The following GID4 variants were observed in gnomAD, a reference collection of about 807,000 sequenced individuals.
GID4 encodes the protein GID complex subunit 4 homolog, also known as glucose-induced degradation protein 4 homolog.
GID4 carries 7 observed loss-of-function variants against 32.4 expected under a neutral mutation model. The ratio of observed to expected loss-of-function variants is 0.22; its 90% CI spans 0.12 to 0.41. The LOEUF is 0.41. Among genes scored for constraint, GID4 ranks in the 10% least tolerant of loss-of-function variants. The pLI is 1.00. For missense variants in GID4, 309 were observed against 400.0 expected (o/e 0.77, Z 1.94); for synonymous variants, 166 against 170.0 (o/e 0.98, Z 0.18).
chr17:18,058,139 T>C (rs1433620462), intron 3 of GID4, among the ~76,000 whole-genome samples: 1 of 152,212 alleles, frequency 6.6e-6, no homozygotes, highest in Non-Finnish European at 1.5e-5. Flanking sequence ...AGTGGATGTA[T>C]AGATTTTTTG....
intron 3 of GID4, chr17:18,057,118 T>G: frequency 6.9e-7 from 1 of 1,443,522 alleles, no homozygotes; most frequent in Non-Finnish European, 9.2e-7. Context: ...TTCCATATAT[T>G]CAGTCTACAT....
chr17:18,054,306 A>G, intron 3 of GID4, 72 bp downstream of exon 3: 1 of 947,498 alleles, frequency 1.1e-6, no homozygotes, highest in Non-Finnish European at 1.7e-6. Context: ...GGAGCCAGAG[A>G]CCTTGTCCCT....
intron 2 of GID4, among the ~76,000 whole-genome samples, chr17:18,048,359 C>T (rs1043199473): frequency 2.6e-5 from 4 of 152,108 alleles, no homozygotes; most frequent in Non-Finnish European, 5.9e-5. Flanking sequence ...CCCTGCCCAA[C>T]TAACTTTTAT....
At chr17:18,065,138 A>G (rs377480199) in intron 5 of GID4, 42 bp from the exon 6 acceptor site, 1,127 of 1,485,776 alleles carry the variant, frequency 7.6e-4, no homozygotes, top group Non-Finnish European at 1.0e-3. Flanking sequence ...CTCAGGGTGC[A>G]TTAGATGACT....
chr17:18,060,023 T>C (rs1006798199), intron 4 of GID4, among the ~76,000 whole-genome samples: 7 of 147,976 alleles, frequency 4.7e-5, no homozygotes, highest in African/African-American at 1.8e-4. Flanking sequence ...GAGATGGAAG[T>C]TGCAGTGAGC....
chr17:18,057,897 G>A (rs931006660), intron 3 of GID4, among the ~76,000 whole-genome samples: 22 of 151,770 alleles, frequency 1.4e-4, no homozygotes, highest in African/African-American at 1.9e-4. Flanking sequence ...GCAGTGGCAC[G>A]ATCTCGGCTC....
intron 5 of GID4, 179 bp downstream of exon 5, chr17:18,062,154 T>C: frequency 1.7e-6 from 1 of 575,982 alleles, no homozygotes; most frequent in East Asian, 2.8e-5. Context: ...CTTATCCCTA[T>C]GCACAGAGCA....
At position 18,039,510 on chromosome 17, in the gene GID4, G is replaced by A; in HGVS notation, c.46G>A (p.Gly16Arg). ...QVGRGTQLRT[G>R]RPCSQVPGSR... is the part of the protein sequence containing the mutation. The stretch of plus-strand genomic sequence containing the variant: ...CGGGAGGGGGACCCAGCTCAGGACT[G>A]GGAGGCCCTGCTCGCAGGTCCCTGG... Residue 16 changes from glycine to arginine, a missense_variant, in exon 1 of 6, where the codon GGG becomes AGG. Coordinates refer to ENST00000268719, the MANE Select transcript of GID4 (RefSeq NM_024052.5). The surrounding 1 kb of genome is among the most constrained non-coding windows in gnomAD (Gnocchi z 5.3). 7.6e-7 allele frequency: 1 copy of A among 1,319,516 alleles called. No homozygotes were observed. Among genetic ancestry groups the A allele is most frequent in the Non-Finnish European group, 9.6e-7 (1 of 1,039,156 alleles). 81.7% of individuals were successfully genotyped at this position (1,319,516 alleles called of 1,614,324 possible).
intron 2 of GID4, among the ~76,000 whole-genome samples, chr17:18,052,275 G>C (rs532624375): frequency 1.3e-5 from 2 of 152,228 alleles, no homozygotes; most frequent in South Asian, 4.2e-4. Flanking sequence ...TAAGGAAACA[G>C]ATCCCCTCCA....
At position 18,045,133 on chromosome 17, in the gene GID4, T is replaced by C. The variant is rs201766570; in HGVS notation, c.439-14T>C. 1.6e-4 allele frequency: 258 copies of C among 1,607,410 alleles called. No individual in the cohort carries two copies. Among genetic ancestry groups the C allele is most frequent in the Middle Eastern group, 8.3e-4 (5 of 6,050 alleles). ...TTATCTATTTGTGACAGGCTGTGTA[T>C]CCTTTCTTTTCAGCACGTGGACACG... On this transcript the variant is annotated splice_polypyrimidine_tract_variant and intron_variant, in intron 1 of 5. Coordinates refer to ENST00000268719, the MANE Select transcript of GID4 (RefSeq NM_024052.5).
Position 18,066,255 on chromosome 17 carries a change from C to G in GID4, c.*1012C>G, listed in dbSNP as rs946824711. The G allele has an allele frequency of 2.0e-5, 3 of 152,574 alleles. No individual in the cohort carries two copies. The highest frequency in any genetic ancestry group is 7.2e-5 in the African/African-American group (3 of 41,442). 9.5% of individuals were successfully genotyped at this position (152,574 alleles called of 1,614,324 possible). On this transcript the variant is annotated 3_prime_UTR_variant, in exon 6 of 6. Coordinates refer to ENST00000268719, the MANE Select transcript of GID4 (RefSeq NM_024052.5). The stretch of plus-strand genomic sequence containing the variant: ...GCATTGCCTAAATTATAGTGCTCAA[C>G]ACAAGAACTGTTTTTGGGGCCAGTT...
At chr17:18,065,036 C>T (rs748696609) in intron 5 of GID4, 144 bp from the exon 6 acceptor site, 3 of 658,082 alleles carry the variant, frequency 4.6e-6, no homozygotes, top group Non-Finnish European at 8.3e-6. Flanking sequence ...AAACTAGGTT[C>T]AACTTGAGAA....
At chr17:18,055,824 TTTG>T in intron 3 of GID4, among the ~76,000 whole-genome samples, 1 of 151,356 alleles carries the variant, frequency 6.6e-6, no homozygotes, top group African/African-American at 2.4e-5. Flanking sequence ...GGGTTTTTGT[TTTG>T]TTTTGTTCTG....
At chr17:18,041,797 C>T (rs549826675) in intron 1 of GID4, among the ~76,000 whole-genome samples, 2 of 152,206 alleles carry the variant, frequency 1.3e-5, no homozygotes, top group East Asian at 3.8e-4. Flanking sequence ...TCCCTTCTGT[C>T]ATTAGGGTAT....
chr17:18,049,083 C>G (rs1337687092), intron 2 of GID4, among the ~76,000 whole-genome samples: 3 of 151,778 alleles, frequency 2.0e-5, no homozygotes, highest in Non-Finnish European at 4.4e-5. Context: ...TGCCTGTAAT[C>G]CCAGCACTTT....
At chr17:18,052,358 C>T (rs2044919458) in intron 2 of GID4, among the ~76,000 whole-genome samples, 1 of 152,182 alleles carries the variant, frequency 6.6e-6, no homozygotes, top group Admixed American at 6.5e-5. Context: ...GGAGCCTCTG[C>T]ACCAGTGGCT....
chr17:18,039,905 G>T lies in GID4; in HGVS notation c.438+3G>T. On this transcript the variant is annotated splice_donor_region_variant and intron_variant, in intron 1 of 5. Coordinates refer to ENST00000268719, the MANE Select transcript of GID4 (RefSeq NM_024052.5). This position sits in a 1 kb window ranked among gnomAD's most constrained non-coding sequence, Gnocchi z 5.3. The stretch of plus-strand genomic sequence containing the variant: ...ACGACGTAGAGGTGGTGCTGCAGGT[G>T]AGCGCCGGGCCGGGCCGGGGCCCGA... 7.1e-7 allele frequency: 1 copy of T among 1,402,716 alleles called. No individual in the cohort carries two copies. The highest frequency in any genetic ancestry group is 1.7e-5 in the South Asian group (1 of 59,018). The allele number at this position is 1,402,716 out of a possible 1,614,324, so 86.9% of individuals were successfully genotyped here.
In GID4 at chr17:18,039,604, C is replaced by T; in HGVS notation, c.140C>T (p.Pro47Leu). ...GGTGGTCGCCCCTCCCGCCCCCACC[C>T]CGCGCGTGCGCGCCCCGGCCTCTCC... ...RAGGRPSRPH[P>L]ARARPGLSLP... is the part of the protein sequence containing the mutation. The change falls in exon 1 of 6, where the codon CCC (proline) becomes CTC (leucine). Residue 47 changes from proline (P) to leucine (L), a missense_variant. Physicochemically the swap from Pro to Leu is moderately conservative, Grantham distance 98 (BLOSUM62 -3). This residue lies in a region of GID4 where 193 missense variants were observed against 185.8 expected (regional missense o/e 1.04). Transcript: ENST00000268719. This position sits in a 1 kb window ranked among gnomAD's most constrained non-coding sequence, Gnocchi z 5.3. 7.7e-7 allele frequency: 1 copy of T among 1,296,286 alleles called. No individual in the cohort carries two copies. The highest frequency in any genetic ancestry group is 9.7e-7 in the Non-Finnish European group (1 of 1,026,470). The allele number at this position is 1,296,286 out of a possible 1,614,324, so 80.3% of individuals were successfully genotyped here.
intron 4 of GID4, among the ~76,000 whole-genome samples, chr17:18,060,084 C>CAAAAA (rs35399188): frequency 5.3e-4 from 32 of 60,412 alleles, no homozygotes; most frequent in East Asian, 1.2e-3. Flanking sequence ...GACTCCATCT[C>CAAAAA]AAAAAAAAAA....
Sources: gnomAD v4.1 joint callset for allele counts (sites outside exome capture counted in the v4.1 genomes callset) on GRCh38, gnomAD v4.1.1 for gene constraint, gnomAD v4.1.1 regional missense constraint, Gnocchi (gnomAD v3.1) non-coding constraint, MANE v1.5 for transcripts, NCBI Gene and HGNC (gene_info 2026-07-23, HGNC 2026-07-21) for gene names.